Variants in CRPPA observed in about 807,000 individuals in gnomAD.
CRPPA encodes the protein CDP-L-ribitol pyrophosphorylase A, also known as D-ribitol-5-phosphate cytidylyltransferase.
A neutral mutation model predicts 52.0 loss-of-function variants in CRPPA; 43 were observed. The ratio of observed to expected loss-of-function variants is 0.83; its 90% CI spans 0.65 to 1.07. CRPPA has a LOEUF of 1.07. Among genes scored for constraint, CRPPA ranks in the 50% least tolerant of loss-of-function variants. The pLI, the probability that CRPPA is intolerant of heterozygous loss-of-function variation, is 0.00. For missense variants in CRPPA, 629 were observed against 551.7 expected (o/e 1.14, Z -1.40); for synonymous variants, 250 against 203.5 (o/e 1.23, Z -1.94).
chr7:16,254,761 G>T (rs58050913), intron 8 of CRPPA, among the ~76,000 whole-genome samples: 1 of 140,802 alleles, frequency 7.1e-6, no homozygotes, highest in African/African-American at 2.6e-5. Flanking sequence ...AAGAAAGAAA[G>T]ACAGACACAC....
intron 6 of CRPPA, among the ~76,000 whole-genome samples, chr7:16,277,760 C>T (rs1161851382): frequency 2.0e-5 from 3 of 151,950 alleles, no homozygotes; most frequent in African/African-American, 7.3e-5. Context: ...CTCTTATTTC[C>T]CCCTCCCTCT....
At chr7:16,212,313 C>T (rs1782170632) in intron 9 of CRPPA, among the ~76,000 whole-genome samples, 1 of 152,076 alleles carries the variant, frequency 6.6e-6, no homozygotes, top group Non-Finnish European at 1.5e-5. Flanking sequence ...TTCTATTTCC[C>T]ACTATATTAT....
chr7:16,091,600 A>G lies in CRPPA; in HGVS notation c.*95T>C. 1 of 666,442 alleles carries G rather than the reference A, an allele frequency of 1.5e-6. No individual in the cohort carries two copies. The highest frequency in any genetic ancestry group is 2.5e-4 in the Middle Eastern group (1 of 3,992). 41.3% of individuals were successfully genotyped at this position (666,442 alleles called of 1,614,324 possible). A position where few individuals can be genotyped will look rare whatever the true frequency, so the allele number is the denominator to read the frequency against. ...AATTATAGAGAAGATATAAAAGACAACTGAAACATTCTACCACACACAGCA... is the reference window on the plus strand; with the variant it reads ...AATTATAGAGAAGATATAAAAGACAGCTGAAACATTCTACCACACACAGCA... On this transcript the variant is annotated 3_prime_UTR_variant, in exon 10 of 10. Coordinates refer to ENST00000407010, the MANE Select transcript of CRPPA (RefSeq NM_001101426.4).
chr7:16,115,391 C>T (rs1241267749), intron 9 of CRPPA, among the ~76,000 whole-genome samples: 5 of 151,974 alleles, frequency 3.3e-5, no homozygotes, highest in Admixed American at 6.6e-5. Flanking sequence ...ACTGAAAAAT[C>T]GAGATATCAA....
rs77710951 is a variant in CRPPA at position 16,233,099 on chromosome 7, G to T, written c.1120-16902C>A. Among the ~76,000 whole-genome samples the T allele has an allele frequency of 1.7e-4, 26 of 151,738 alleles. No individual in the cohort carries two copies. The East Asian group carries it at 4.1e-3, about 24-fold the overall frequency. ...ACAGAAAATTTGATATTAAAGATTA[G>T]TAAACTTGAAGACACAGCCATAAAA... On this transcript the variant is annotated intron_variant, in intron 8 of 9. Coordinates refer to ENST00000407010, the MANE Select transcript of CRPPA (RefSeq NM_001101426.4).
At chr7:16,389,558 C>T (rs1041385412) in intron 2 of CRPPA, among the ~76,000 whole-genome samples, 2 of 152,032 alleles carry the variant, frequency 1.3e-5, no homozygotes, top group Non-Finnish European at 2.9e-5. Context: ...TCCAACACCC[C>T]TTTGTGAGAA....
In CRPPA at chr7:16,219,183, T is replaced by G. The variant is rs929953081; in HGVS notation, c.1120-2986A>C. The stretch of plus-strand genomic sequence containing the variant: ...ACATGGAAACTGAACAACCTGCTCC[T>G]GAATGACTACTGGATACATAACGAA... On this transcript the variant is annotated intron_variant, in intron 8 of 9. Transcript: ENST00000407010. Among the ~76,000 whole-genome samples the G allele has an allele frequency of 1.0e-3, 158 of 152,004 alleles. 2 individuals carry two copies. The highest frequency in any genetic ancestry group is 3.7e-3 in the African/African-American group (152 of 41,432).
At chr7:16,211,406 G>C (rs537902493) in intron 9 of CRPPA, among the ~76,000 whole-genome samples, 1 of 152,292 alleles carries the variant, frequency 6.6e-6, no homozygotes, top group African/African-American at 2.4e-5. Flanking sequence ...TTTGAAGAGG[G>C]TATTATGGGT....
At chr7:16,332,487 A>G (rs111965218) in intron 3 of CRPPA, among the ~76,000 whole-genome samples, 65 of 152,310 alleles carry the variant, frequency 4.3e-4, no homozygotes, top group African/African-American at 1.5e-3. Context: ...CTTATGTATA[A>G]GTGAAATTAA....
intron 8 of CRPPA, among the ~76,000 whole-genome samples, chr7:16,217,865 C>T (rs1782375279): frequency 6.6e-6 from 1 of 152,020 alleles, no homozygotes; most frequent in South Asian, 2.1e-4. Flanking sequence ...GGAAAAAACT[C>T]TGCAGGATAT....
chr7:16,407,167 AG>A (rs1006720227), intron 1 of CRPPA, among the ~76,000 whole-genome samples: 1 of 152,078 alleles, frequency 6.6e-6, no homozygotes, highest in African/African-American at 2.4e-5. Context: ...TAGTAGAGAT[AG>A]GGTTTCATGA....
intron 2 of CRPPA, among the ~76,000 whole-genome samples, chr7:16,399,339 T>C (rs1186957004): frequency 3.9e-5 from 6 of 151,988 alleles, no homozygotes; most frequent in East Asian, 1.9e-4. Flanking sequence ...CAGAGTGTGA[T>C]TGACACATGA....
At chr7:16,416,585 A>C (rs1788199095) in intron 1 of CRPPA, among the ~76,000 whole-genome samples, 1 of 152,008 alleles carries the variant, frequency 6.6e-6, no homozygotes, top group Non-Finnish European at 1.5e-5. Context: ...TTGTAATGCC[A>C]GCACTCTGGG....
In CRPPA at chr7:16,286,097, A is replaced by AAAAATATATATATAT; in HGVS notation, c.836-7872_836-7871insATATATATATATTTT. Among the ~76,000 whole-genome samples the AAAAATATATATATAT allele has an allele frequency of 2.5e-3, 99 of 39,108 alleles. 18 individuals are homozygous for AAAAATATATATATAT. The highest frequency in any genetic ancestry group is 0.014 in the African/African-American group (76 of 5,446). The allele number at this position is 39,108 out of a possible 152,430, so 25.7% of individuals were successfully genotyped here. A position where few individuals can be genotyped will look rare whatever the true frequency, so the allele number is the denominator to read the frequency against. ...TATATATATAATATTTAAAAAAAAAAATATATATATATATATATATGCCAA... is the reference window on the plus strand; with the variant it reads ...TATATATATAATATTTAAAAAAAAAAAAAATATATATATATATATATATATATATATATATGCCAA... On this transcript the variant is annotated intron_variant, in intron 5 of 9. Coordinates refer to ENST00000407010, the MANE Select transcript of CRPPA (RefSeq NM_001101426.4).
At chr7:16,342,554 G>A (rs1433899966) in intron 3 of CRPPA, among the ~76,000 whole-genome samples, 1 of 151,356 alleles carries the variant, frequency 6.6e-6, no homozygotes, top group Non-Finnish European at 1.5e-5. Context: ...AGTCAATAAC[G>A]AAGCTTTGTG....
chr7:16,158,802 A>G (rs1024765448), intron 9 of CRPPA, among the ~76,000 whole-genome samples: 1 of 152,174 alleles, frequency 6.6e-6, no homozygotes, highest in African/African-American at 2.4e-5. Context: ...ATAACAGTAA[A>G]GGGTGGTTGA....
intron 3 of CRPPA, among the ~76,000 whole-genome samples, chr7:16,323,649 T>C (rs1785313165): frequency 6.6e-6 from 1 of 152,218 alleles, no homozygotes; most frequent in African/African-American, 2.4e-5. Flanking sequence ...TATCTTTTTG[T>C]ATATTTTATT....
intron 6 of CRPPA, among the ~76,000 whole-genome samples, chr7:16,263,773 G>C (rs77555946): frequency 0.052 from 7,893 of 151,522 alleles, 270 homozygotes; most frequent in Non-Finnish European, 0.077. Flanking sequence ...AAAAAAGAAT[G>C]TACAATATAG....
chr7:16,215,942 G>A, intron 9 of CRPPA, 124 bp downstream of exon 9: 1 of 739,736 alleles, frequency 1.4e-6, no homozygotes, highest in Non-Finnish European at 2.2e-6. Flanking sequence ...CACACACATA[G>A]ATGAGTAACT....
Sources: gnomAD v4.1 joint callset for allele counts (sites outside exome capture counted in the v4.1 genomes callset) on GRCh38, gnomAD v4.1.1 for gene constraint, MANE v1.5 for transcripts, NCBI Gene and HGNC (gene_info 2026-07-23, HGNC 2026-07-21) for gene names.